Variants in N4BP2 observed in about 807,000 individuals in gnomAD.
N4BP2 encodes NEDD4-binding protein 2.
A neutral mutation model predicts 152.8 loss-of-function variants in N4BP2; 91 were observed. The observed-to-expected ratio is 0.60, with a 90% CI of 0.50 to 0.71. The LOEUF (loss-of-function observed/expected upper bound fraction) is 0.71. N4BP2 is among the 30% of genes least tolerant of loss of function. The probability of loss-of-function intolerance (pLI) is 0.00; values close to 1 mark genes in which losing one functional copy is unlikely to be tolerated. For missense variants in N4BP2, 1,923 were observed against 2,059.1 expected (o/e 0.93, Z 1.28); for synonymous variants, 646 against 705.3 (o/e 0.92, Z 1.33).
chr4:40,065,968 G>T (rs541965251), intron 1 of N4BP2, among the ~76,000 whole-genome samples: 1 of 151,736 alleles, frequency 6.6e-6, no homozygotes, highest in Non-Finnish European at 1.5e-5. Context: ...GTCTAGATCT[G>T]TCGACAGGCT....
At chr4:40,060,924 T>G (rs914454672) in intron 1 of N4BP2, among the ~76,000 whole-genome samples, 1 of 152,132 alleles carries the variant, frequency 6.6e-6, no homozygotes, top group African/African-American at 2.4e-5. Context: ...AAACGTGGAT[T>G]GTATGAGCAT....
At chr4:40,068,276 T>C (rs1711754305) in intron 1 of N4BP2, among the ~76,000 whole-genome samples, 1 of 152,234 alleles carries the variant, frequency 6.6e-6, no homozygotes, top group African/African-American at 2.4e-5. Context: ...GGTTGCCTTA[T>C]TATTCTGTTG....
intron 2 of N4BP2, among the ~76,000 whole-genome samples, chr4:40,087,482 G>C (rs1046216196): frequency 6.6e-6 from 1 of 152,064 alleles, no homozygotes; most frequent in African/African-American, 2.4e-5. Flanking sequence ...TTGTTTCTCA[G>C]CCTCTGGAGT....
intron 3 of N4BP2, among the ~76,000 whole-genome samples, chr4:40,101,759 T>TA (rs1472385239): frequency 4.6e-5 from 7 of 152,328 alleles, no homozygotes; most frequent in Non-Finnish European, 4.4e-5. Context: ...ATAAGCCTAA[T>TA]ATGTCCAATT....
chr4:40,084,579 G>A (rs1229687794), intron 2 of N4BP2, among the ~76,000 whole-genome samples: 1 of 150,520 alleles, frequency 6.6e-6, no homozygotes, highest in East Asian at 1.9e-4. Flanking sequence ...GGGATTACAG[G>A]CATGCACCTC....
chr4:40,125,030 T>C (rs1046740725), intron 11 of N4BP2, among the ~76,000 whole-genome samples: 1 of 152,212 alleles, frequency 6.6e-6, no homozygotes, highest in African/African-American at 2.4e-5. Flanking sequence ...AGACCTGTTA[T>C]TAAGCATCCT....
At chr4:40,095,015 T>A (rs1384921869) in intron 2 of N4BP2, among the ~76,000 whole-genome samples, 1 of 152,102 alleles carries the variant, frequency 6.6e-6, no homozygotes, top group East Asian at 1.9e-4. Context: ...TCACCTTAAG[T>A]GATCCTCCTG....
chr4:40,144,618 T>C lies in N4BP2; in HGVS notation c.4975-14T>C, dbSNP rs751792551. 4 of 1,586,452 alleles carry C rather than the reference T, an allele frequency of 2.5e-6. No individual in the cohort carries two copies. Among genetic ancestry groups the C allele is most frequent in the Non-Finnish European group, 3.4e-6 (4 of 1,165,142 alleles). ...ACAGCAAAACTGTCCCTTGGTGATA[T>C]GTTTATGATTTAGGGTACTCTTCAT... On this transcript the variant is annotated splice_polypyrimidine_tract_variant and intron_variant, in intron 15 of 17. Transcript: ENST00000261435.
chr4:40,121,339 G>A lies in N4BP2; in HGVS notation c.3228G>A (p.Thr1076=), dbSNP rs760694175. ...ATAGAGTAATGTATGATAAAAGCACGTTTGTTGAAGAAAGTGAGCTTACCA... is the reference window on the plus strand; with the variant it reads ...ATAGAGTAATGTATGATAAAAGCACATTTGTTGAAGAAAGTGAGCTTACCA... ...IPYRVMYDKS[T]FVEESELTSA... is the part of the protein sequence containing the mutation. The change falls in exon 9 of 18, where the codon ACG becomes ACA. Residue 1076 remains threonine (T), a synonymous_variant. Coordinates refer to ENST00000261435, the MANE Select transcript of N4BP2 (RefSeq NM_018177.6). 3.7e-6 allele frequency: 6 copies of A among 1,613,780 alleles called. No individual in the cohort carries two copies. The highest frequency in any genetic ancestry group is 1.3e-5 in the African/African-American group (1 of 74,914).
At chr4:40,099,730 A>G (rs534852530) in intron 3 of N4BP2, among the ~76,000 whole-genome samples, 25 of 152,146 alleles carry the variant, frequency 1.6e-4, no homozygotes, top group African/African-American at 5.8e-4. Context: ...AGCAATCTGT[A>G]TAAGGACTTT....
Position 40,102,916 on chromosome 4 carries a change from G to T in N4BP2, c.1071G>T (p.Pro357=). Residue 357 remains proline (P), a synonymous_variant, in exon 4 of 18, where the codon CCG becomes CCT. Transcript: ENST00000261435. The part of the protein sequence containing the change: ...LAPLPLLLPP[P]PPPPMWNPMI... ...CTCTCCCATTGCTGTTGCCTCCTCC[G>T]CCACCTCCACCGATGTGGAATCCAA... is the stretch of plus-strand genomic sequence containing the variant. 6.2e-7 allele frequency: 1 copy of T among 1,614,102 alleles called. No homozygotes were observed. Among genetic ancestry groups the T allele is most frequent in the South Asian group, 1.1e-5 (1 of 91,072 alleles).
the N4BP2 span, among the ~76,000 whole-genome samples, chr4:40,165,233 T>A: frequency 6.6e-6 from 1 of 152,114 alleles, no homozygotes; most frequent in Non-Finnish European, 1.5e-5. Flanking sequence ...CTCAAATCTT[T>A]TTTTGGAAAT....
At chr4:40,132,834 ATT>A (rs10714755) in intron 13 of N4BP2, among the ~76,000 whole-genome samples, 60 of 148,340 alleles carry the variant, frequency 4.0e-4, no homozygotes, top group Admixed American at 6.0e-4. Context: ...TTACTTTCAG[ATT>A]TTTTTTTTTT....
At position 40,107,003 on chromosome 4, in the gene N4BP2, C is replaced by T; in HGVS notation, c.1477C>T (p.His493Tyr). Residue 493 changes from histidine (H) to tyrosine (Y), a missense_variant, in exon 5 of 18, where the codon CAT becomes TAT. Transcript: ENST00000261435. ...TGATGTAAAGTACTTAGGAGAAGCA[C>T]ATGAATGGAACCAGAATCGTGGTAA... ...QFDVKYLGEA[H>Y]EWNQNRAKEA... is the part of the protein sequence containing the mutation. 6.2e-7 allele frequency: 1 copy of T among 1,613,500 alleles called. No individual in the cohort carries two copies. The highest frequency in any genetic ancestry group is 8.5e-7 in the Non-Finnish European group (1 of 1,179,726).
chr4:40,122,601 A>G (rs1474762462), intron 9 of N4BP2, among the ~76,000 whole-genome samples: 1 of 152,326 alleles, frequency 6.6e-6, no homozygotes, highest in African/African-American at 2.4e-5. Flanking sequence ...AAGTAATTTT[A>G]TGTTGCCTAA....
intron 2 of N4BP2, among the ~76,000 whole-genome samples, chr4:40,083,445 T>G (rs981985115): frequency 6.6e-6 from 1 of 152,214 alleles, no homozygotes; most frequent in African/African-American, 2.4e-5. Flanking sequence ...TGTCCATCAC[T>G]TGATGCATAT....
intron 13 of N4BP2, among the ~76,000 whole-genome samples, chr4:40,132,599 C>T (rs764043060): frequency 6.6e-5 from 10 of 151,980 alleles, no homozygotes; most frequent in African/African-American, 1.7e-4. Context: ...GAGTTGCCAC[C>T]GTGTTGTTTT....
chr4:40,152,324 A>G lies in N4BP2; in HGVS notation c.5144-456A>G, dbSNP rs1275470980. ...CACACAGTCATTTAGTGGCAGAGCTATGATTCAGAACAAAGCTTGATGGCT... is the reference window on the plus strand; with the variant it reads ...CACACAGTCATTTAGTGGCAGAGCTGTGATTCAGAACAAAGCTTGATGGCT... On this transcript the variant is annotated intron_variant, in intron 16 of 17. Coordinates refer to ENST00000261435, the MANE Select transcript of N4BP2 (RefSeq NM_018177.6). Among the ~76,000 whole-genome samples the G allele has an allele frequency of 1.3e-5, 2 of 152,250 alleles. 1 individual carries two copies. Among genetic ancestry groups the G allele is most frequent in the Admixed American group, 1.3e-4 (2 of 15,282 alleles).
At chr4:40,145,040 G>A (rs969575540) in intron 16 of N4BP2, among the ~76,000 whole-genome samples, 1 of 152,182 alleles carries the variant, frequency 6.6e-6, no homozygotes, top group Admixed American at 6.5e-5. Context: ...AGGGCATGGT[G>A]TAATCTGCGA....
Sources: allele counts gnomAD v4.1 joint callset (sites outside exome capture counted in the v4.1 genomes callset), GRCh38; gene constraint gnomAD v4.1.1; transcripts MANE v1.5; gene names NCBI Gene and HGNC (gene_info 2026-07-23, HGNC 2026-07-21).